Variants in ABI3BP observed in about 807,000 individuals in gnomAD.
ABI3BP encodes the protein ABI family member 3 binding protein.
ABI3BP carries 216 observed loss-of-function variants against 268.6 expected under a neutral mutation model. The observed-to-expected ratio is 0.80, with a 90% CI of 0.72 to 0.90. The LOEUF is 0.90. Among genes scored for constraint, ABI3BP ranks in the 40% least tolerant of loss-of-function variants. ABI3BP has a pLI of 0.00. For missense variants in ABI3BP, 2,090 were observed against 2,182.4 expected, an observed-to-expected ratio of 0.96 and a Z score of 0.84; for synonymous variants, 730 against 730.0, an observed-to-expected ratio of 1.00 and a Z score of 0.00.
intron 31 of ABI3BP, 62 bp from the exon 32 acceptor site, chr3:100,830,696 T>C: frequency 1.5e-6 from 2 of 1,348,694 alleles, no homozygotes; most frequent in Admixed American, 4.4e-5. Flanking sequence ...GTTGGAACAT[T>C]CATCTTACCA....
In ABI3BP at chr3:100,840,174, GA is replaced by G. The variant is rs990087931; in HGVS notation, c.1805-11del. The G allele has an allele frequency of 3.3e-6, 5 of 1,519,120 alleles. No homozygotes were observed. In the African/African-American group the frequency reaches 7.0e-5, roughly 21 times the overall value. 94.1% of individuals were successfully genotyped at this position (1,519,120 alleles called of 1,614,324 possible). A position where few individuals can be genotyped will look rare whatever the true frequency, so the allele number is the denominator to read the frequency against. The stretch of plus-strand genomic sequence containing the variant: ...TTGGTCTTTCGTGGTGCTGAAGAAA[GA>G]AAATTAGCAAGTTAATACAAGAAGG... On this transcript the variant is annotated splice_polypyrimidine_tract_variant and intron_variant, in intron 22 of 67. Transcript: ENST00000471714.
At chr3:100,818,690 T>C in intron 40 of ABI3BP, 109 bp from the exon 41 acceptor site, 2 of 923,056 alleles carry the variant, frequency 2.2e-6, no homozygotes, top group Non-Finnish European at 3.3e-6. Context: ...TTCTGAAACT[T>C]GATACTTGTT....
chr3:100,867,868 T>C (rs527322532), intron 9 of ABI3BP, among the ~76,000 whole-genome samples: 1 of 152,202 alleles, frequency 6.6e-6, no homozygotes, highest in Non-Finnish European at 1.5e-5. Context: ...AATAATTTTT[T>C]CCATTTTTCC....
intron 14 of ABI3BP, 95 bp from the exon 15 acceptor site, chr3:100,852,035 T>C (rs2098847107): frequency 8.8e-7 from 1 of 1,142,208 alleles, no homozygotes; most frequent in Non-Finnish European, 1.2e-6. Flanking sequence ...TAATGCTGGT[T>C]GAAGGACAGT....
chr3:100,944,118 G>A (rs1201351235), intron 1 of ABI3BP, among the ~76,000 whole-genome samples: 1 of 152,090 alleles, frequency 6.6e-6, no homozygotes. Flanking sequence ...CCAGCTGAGA[G>A]AATGCCAGGC....
intron 63 of ABI3BP, 67 bp downstream of exon 63, chr3:100,765,774 C>A: frequency 8.3e-7 from 1 of 1,201,914 alleles, no homozygotes; most frequent in South Asian, 1.3e-5. Flanking sequence ...ATTATCATTT[C>A]TTTCCCTTGT....
Position 100,792,774 on chromosome 3 carries a change from G to A in ABI3BP, c.3947-6C>T. The A allele has an allele frequency of 6.2e-7, 1 of 1,609,594 alleles. No individual in the cohort carries two copies. Among genetic ancestry groups the A allele is most frequent in the South Asian group, 1.1e-5 (1 of 90,918 alleles). On this transcript the variant is annotated splice_region_variant and splice_polypyrimidine_tract_variant and intron_variant, in intron 54 of 67. Transcript: ENST00000471714. ...GGTGGATTGGTCTGTTTCTTCTAGA[G>A]AAAACACAGTAAGATTGCTTGTTTT...
At chr3:100,886,856 C>T (rs1240932409) in intron 4 of ABI3BP, among the ~76,000 whole-genome samples, 2 of 151,722 alleles carry the variant, frequency 1.3e-5, no homozygotes. Flanking sequence ...AAAAAGAAGA[C>T]CAATAGCCAA....
At position 100,822,617 on chromosome 3, in the gene ABI3BP, T is replaced by C; in HGVS notation, c.2859A>G (p.Pro953=). 1.3e-6 allele frequency: 2 copies of C among 1,536,556 alleles called. No homozygotes were observed. The highest frequency in any genetic ancestry group is 2.4e-5 in the South Asian group (2 of 84,056). ...GTTTGGATTCAGGTGCTTCAGGACG[T>C]GGTGTGGTTTTTGTTCTGAGACGTG... ...RRPRLRTKTT[P]RPEAPESKPV... is the part of the protein sequence containing the mutation. Residue 953 remains proline, a synonymous_variant, in exon 38 of 68, where the codon CCA becomes CCG. Transcript: ENST00000471714.
intron 2 of ABI3BP, among the ~76,000 whole-genome samples, chr3:100,918,382 C>T (rs1260983289): frequency 1.3e-5 from 2 of 151,000 alleles, no homozygotes; most frequent in African/African-American, 2.4e-5. Context: ...TTTCTGAAAT[C>T]AATGAAAACA....
rs2095221877 is a variant in ABI3BP at position 100,749,746 on chromosome 3, T to TGCATAAAGGGATAGTTTG, written c.*731_*748dup. 1 of 398,308 alleles carries TGCATAAAGGGATAGTTTG rather than the reference T, an allele frequency of 2.5e-6. No individual in the cohort carries two copies. Among genetic ancestry groups the TGCATAAAGGGATAGTTTG allele is most frequent in the Non-Finnish European group, 4.4e-6 (1 of 225,772 alleles). The allele number at this position is 398,308 out of a possible 1,614,324, so 24.7% of individuals were successfully genotyped here. The stretch of plus-strand genomic sequence containing the variant: ...ATCATAAAAACAATATGAAGACGAT[T>TGCATAAAGGGATAGTTTG]GCATAAAGGGATAGTTTGACAAAGC... On this transcript the variant is annotated 3_prime_UTR_variant, in exon 68 of 68. Transcript: ENST00000471714.
chr3:100,939,461 G>A (rs2067839429), intron 1 of ABI3BP, among the ~76,000 whole-genome samples: 1 of 152,018 alleles, frequency 6.6e-6, no homozygotes, highest in Non-Finnish European at 1.5e-5. Context: ...GTACAAAAGA[G>A]AGAAATTTTA....
Position 100,780,208 on chromosome 3 carries a change from C to A in ABI3BP, c.4164G>T (p.Gly1388=), listed in dbSNP as rs75255459. 2 of 1,611,980 alleles carry A rather than the reference C, an allele frequency of 1.2e-6. No homozygotes were observed. Among genetic ancestry groups the A allele is most frequent in the South Asian group, 2.2e-5 (2 of 90,834 alleles). ...GMPSGNGVGT[G]VKQAPRPSGA... ...CTGATGGCCTGGGTGCTTGCTTGACCCCTATGAGCAGAGATAATGAAAGGG... is the reference window on the plus strand; with the variant it reads ...CTGATGGCCTGGGTGCTTGCTTGACACCTATGAGCAGAGATAATGAAAGGG... Residue 1388 remains glycine (G), a splice_region_variant and synonymous_variant, in exon 58 of 68, where the codon GGG becomes GGT. Transcript: ENST00000471714.
At chr3:100,756,282 C>G (rs563914332) in intron 63 of ABI3BP, among the ~76,000 whole-genome samples, 1 of 152,204 alleles carries the variant, frequency 6.6e-6, no homozygotes, top group Middle Eastern at 3.4e-3. Flanking sequence ...CCCAGCACTT[C>G]GGGAGGCCGA....
chr3:100,858,556 T>A (rs1456516982), intron 14 of ABI3BP, among the ~76,000 whole-genome samples: 1 of 152,234 alleles, frequency 6.6e-6, no homozygotes. Context: ...ACACATATTC[T>A]GATTTGCTGA....
chr3:100,936,418 G>A (rs184472200), intron 1 of ABI3BP, among the ~76,000 whole-genome samples: 5 of 152,300 alleles, frequency 3.3e-5, no homozygotes, highest in African/African-American at 1.2e-4. Flanking sequence ...GTTCATCAAG[G>A]ATATTGGCCT....
At chr3:100,897,410 A>AC (rs1271245668) in intron 4 of ABI3BP, among the ~76,000 whole-genome samples, 15 of 152,264 alleles carry the variant, frequency 9.9e-5, no homozygotes, top group South Asian at 2.1e-4. Context: ...ATAAAAAAAA[A>AC]CAACATAATT....
intron 49 of ABI3BP, among the ~76,000 whole-genome samples, chr3:100,808,580 G>A (rs2097773047): frequency 6.6e-6 from 1 of 152,026 alleles, no homozygotes; most frequent in East Asian, 1.9e-4. Context: ...ATATTTAGTT[G>A]TACTATTTTA....
At chr3:100,985,506 C>T (rs1002221052) in intron 1 of ABI3BP, among the ~76,000 whole-genome samples, 1 of 152,070 alleles carries the variant, frequency 6.6e-6, no homozygotes, top group East Asian at 1.9e-4. Flanking sequence ...TCATTACCTA[C>T]TATGTTAATT....
Sources: allele counts gnomAD v4.1 joint callset (sites outside exome capture counted in the v4.1 genomes callset), GRCh38; gene constraint gnomAD v4.1.1; transcripts MANE v1.5; gene names NCBI Gene and HGNC (gene_info 2026-07-23, HGNC 2026-07-21).